The following CSMD1 variants were observed in gnomAD, a reference collection of about 807,000 sequenced individuals.
The protein encoded by CSMD1 is CUB and sushi domain-containing protein 1.
CSMD1 carries 213 observed loss-of-function variants against 417.5 expected under a neutral mutation model. The ratio of observed to expected loss-of-function variants is 0.51; its 90% confidence interval spans 0.46 to 0.57. The LOEUF (loss-of-function observed/expected upper bound fraction) is 0.57, where lower values mean the gene tolerates loss of function less well. CSMD1 is among the 20% of genes least tolerant of loss of function. CSMD1 has a pLI of 0.00. For missense variants in CSMD1, 6,923 were observed against 4,529.7 expected (o/e 1.53, Z -15.17); for synonymous variants, 2,862 against 1,736.8 (o/e 1.65, Z -16.11).
intron 5 of CSMD1, among the ~76,000 whole-genome samples, chr8:3,962,303 G>C (rs886874459): frequency 7.3e-6 from 1 of 136,198 alleles, no homozygotes; most frequent in African/African-American, 2.7e-5. Context: ...TTCAACTTGG[G>C]ATTTGGTTCC....
At chr8:2,940,234 C>T (rs964212936) in intron 69 of CSMD1, among the ~76,000 whole-genome samples, 4 of 152,166 alleles carry the variant, frequency 2.6e-5, no homozygotes, top group African/African-American at 9.7e-5. Context: ...GGCAACTGAG[C>T]CCTGGGCTTC....
intron 48 of CSMD1, among the ~76,000 whole-genome samples, chr8:3,087,725 G>A (rs1457935828): frequency 2.0e-5 from 3 of 152,220 alleles, no homozygotes; most frequent in Admixed American, 6.5e-5. Flanking sequence ...AAGTCATCCT[G>A]CGCTGTATGC....
At chr8:3,105,835 T>G (rs1816098730) in intron 46 of CSMD1, among the ~76,000 whole-genome samples, 1 of 152,230 alleles carries the variant, frequency 6.6e-6, no homozygotes, top group South Asian at 2.1e-4. Flanking sequence ...AGATAACAGA[T>G]AGGCATGTGA....
At chr8:3,584,726 A>C (rs1800525171) in intron 9 of CSMD1, among the ~76,000 whole-genome samples, 1 of 152,270 alleles carries the variant, frequency 6.6e-6, no homozygotes, top group Non-Finnish European at 1.5e-5. Context: ...TATTTGTCTA[A>C]AGTGAACTTT....
intron 3 of CSMD1, among the ~76,000 whole-genome samples, chr8:4,113,907 G>A (rs117429696): frequency 4.1e-4 from 62 of 152,248 alleles, no homozygotes; most frequent in Admixed American, 7.2e-4. Context: ...AGAAAACTCC[G>A]AAGCCAGCAG....
intron 50 of CSMD1, among the ~76,000 whole-genome samples, chr8:3,031,770 C>T (rs912295692): frequency 6.6e-6 from 1 of 151,794 alleles, no homozygotes; most frequent in African/African-American, 2.4e-5. Context: ...GTATCAATTT[C>T]CAAGTTCTTC....
At chr8:4,272,454 G>C (rs1182932240) in intron 3 of CSMD1, among the ~76,000 whole-genome samples, 1 of 152,106 alleles carries the variant, frequency 6.6e-6, no homozygotes, top group East Asian at 1.9e-4. Context: ...CTAAAACCAG[G>C]ATTCTATGAG....
At chr8:4,015,248 A>G (rs573065327) in intron 4 of CSMD1, among the ~76,000 whole-genome samples, 3 of 152,192 alleles carry the variant, frequency 2.0e-5, no homozygotes, top group Non-Finnish European at 4.4e-5. Flanking sequence ...TTACCGCTGA[A>G]ACATAATTGA....
intron 23 of CSMD1, among the ~76,000 whole-genome samples, chr8:3,323,543 G>T (rs1279024367): frequency 6.6e-6 from 1 of 151,544 alleles, no homozygotes; most frequent in Non-Finnish European, 1.5e-5. Flanking sequence ...ACCATCAAAA[G>T]AAAACTTTAA....
chr8:3,040,663 C>T (rs1040193348), intron 50 of CSMD1, among the ~76,000 whole-genome samples: 2 of 151,814 alleles, frequency 1.3e-5, no homozygotes, highest in African/African-American at 4.8e-5. Context: ...ATTAGCCGGG[C>T]ATGGCGGCGT....
At position 3,322,179 on chromosome 8, in the gene CSMD1, A is replaced by G. The variant is rs59064865; in HGVS notation, c.3632-13676T>C. Among the ~76,000 whole-genome samples, 17 of 152,328 alleles carry G rather than the reference A, an allele frequency of 1.1e-4. No individual in the cohort carries two copies. The South Asian group carries it at 1.9e-3, about 17-fold the overall frequency. ...GGATGATAAATGAACTGACAAATATATTCAATACATTTCATGGCCAGGAAC... is the reference window on the plus strand; with the variant it reads ...GGATGATAAATGAACTGACAAATATGTTCAATACATTTCATGGCCAGGAAC... On this transcript the variant is annotated intron_variant, in intron 23 of 69. Transcript: ENST00000635120.
At chr8:4,208,506 C>A (rs542974710) in intron 3 of CSMD1, among the ~76,000 whole-genome samples, 1 of 152,208 alleles carries the variant, frequency 6.6e-6, no homozygotes, top group East Asian at 1.9e-4. Context: ...GTTTATTAAT[C>A]TGTGATATAC....
At chr8:3,401,931 G>C (rs1244258533) in intron 15 of CSMD1, among the ~76,000 whole-genome samples, 3 of 150,502 alleles carry the variant, frequency 2.0e-5, no homozygotes, top group Non-Finnish European at 3.0e-5. Flanking sequence ...AGCCAATGAG[G>C]TGTTTAGAAA....
At chr8:3,928,051 T>C (rs1044095751) in intron 5 of CSMD1, among the ~76,000 whole-genome samples, 1 of 152,134 alleles carries the variant, frequency 6.6e-6, no homozygotes, top group Non-Finnish European at 1.5e-5. Context: ...AATTTTTTTC[T>C]TAAATTTCCC....
At chr8:3,937,735 G>C (rs1810603031) in intron 5 of CSMD1, among the ~76,000 whole-genome samples, 1 of 151,976 alleles carries the variant, frequency 6.6e-6, no homozygotes, top group African/African-American at 2.4e-5. Flanking sequence ...TAGTACACCA[G>C]GTACGATATT....
At chr8:4,159,645 G>C (rs1429233942) in intron 3 of CSMD1, among the ~76,000 whole-genome samples, 1 of 152,284 alleles carries the variant, frequency 6.6e-6, no homozygotes, top group South Asian at 2.1e-4. Context: ...CTGGAGCACA[G>C]TGGCGCGATC....
intron 3 of CSMD1, among the ~76,000 whole-genome samples, chr8:4,276,910 T>C (rs372668520): frequency 5.8e-4 from 88 of 152,210 alleles, no homozygotes; most frequent in African/African-American, 2.0e-3. Flanking sequence ...TGTAATAGAG[T>C]ACTGGAATTC....
At chr8:3,767,645 T>C (rs1798350639) in intron 5 of CSMD1, among the ~76,000 whole-genome samples, 1 of 152,226 alleles carries the variant, frequency 6.6e-6, no homozygotes, top group Non-Finnish European at 1.5e-5. Flanking sequence ...ACGCAATGCA[T>C]ACTGTATATG....
chr8:3,859,358 G>A (rs2129104840), intron 5 of CSMD1, among the ~76,000 whole-genome samples: 1 of 152,210 alleles, frequency 6.6e-6, no homozygotes, highest in African/African-American at 2.4e-5. Context: ...AATATTTTAG[G>A]TCCAGAAATA....
Sources: gnomAD v4.1 joint callset for allele counts (sites outside exome capture counted in the v4.1 genomes callset) on GRCh38, gnomAD v4.1.1 for gene constraint, MANE v1.5 for transcripts, NCBI Gene and HGNC (gene_info 2026-07-23, HGNC 2026-07-21) for gene names.